SLC9A7: variants seen among roughly 807,000 people sequenced by gnomAD.
The protein encoded by SLC9A7 is sodium/hydrogen exchanger 7.
SLC9A7 carries 19 observed loss-of-function variants against 52.6 expected under a neutral mutation model. That is an observed-to-expected ratio of 0.36 (90% CI 0.25 to 0.53). The LOEUF is 0.53. Ranked by LOEUF, SLC9A7 falls within the 20% of genes least tolerant of loss-of-function variation. The pLI is 0.91. For synonymous variants in SLC9A7, 226 were observed against 252.1 expected (o/e 0.90, Z 0.98); for missense variants, 455 against 597.9 (o/e 0.76, Z 2.49).
intron 16 of SLC9A7, among the ~76,000 whole-genome samples, chrX:46,611,981 G>A (rs1206461395): frequency 1.8e-5 from 2 of 111,523 alleles, no homozygotes; most frequent in African/African-American, 3.3e-5. Flanking sequence ...GTTTAGGGCC[G>A]TTCTCTTTCA....
intron 1 of SLC9A7, among the ~76,000 whole-genome samples, chrX:46,748,360 AAAGAAAGGAAGGAAGGAAGG>A (rs1462359769): frequency 3.0e-4 from 15 of 49,346 alleles, no homozygotes; most frequent in Middle Eastern, 9.3e-3. Context: ...AAAAAAAAAG[AAAGAAAGGAAGGAAGGAAGG>A]AAGGAAGGAA....
intron 2 of SLC9A7, among the ~76,000 whole-genome samples, chrX:46,681,898 A>G (rs937408588): frequency 8.9e-6 from 1 of 112,451 alleles, no homozygotes; most frequent in Non-Finnish European, 1.9e-5. Context: ...TTTGTAGGAT[A>G]TAGCAAAAGA....
intron 1 of SLC9A7, among the ~76,000 whole-genome samples, chrX:46,691,990 T>C (rs1474733971): frequency 9.0e-6 from 1 of 111,566 alleles, no homozygotes; most frequent in African/African-American, 3.3e-5. Context: ...CACATAATGA[T>C]AGTAATAAAA....
At chrX:46,676,248 G>A (rs1227759696) in intron 3 of SLC9A7, among the ~76,000 whole-genome samples, 1 of 111,289 alleles carries the variant, frequency 9.0e-6, no homozygotes, top group Non-Finnish European at 1.9e-5. Context: ...CCTTCCGTGG[G>A]ATCTGGCATT....
At chrX:46,634,181 A>G (rs1207369584) in intron 13 of SLC9A7, among the ~76,000 whole-genome samples, 1 of 111,972 alleles carries the variant, frequency 8.9e-6, no homozygotes, top group Non-Finnish European at 1.9e-5. Flanking sequence ...GGCTAAGCTC[A>G]TAAGAACACA....
intron 1 of SLC9A7, among the ~76,000 whole-genome samples, chrX:46,702,978 G>A (rs778174600): frequency 1.2e-4 from 14 of 112,140 alleles, no homozygotes; most frequent in African/African-American, 4.2e-4. Flanking sequence ...CATTCTGACT[G>A]GTATGGAAGG....
chrX:46,752,978 TG>T (rs1188506260), intron 1 of SLC9A7, among the ~76,000 whole-genome samples: 1 of 112,340 alleles, frequency 8.9e-6, no homozygotes, highest in African/African-American at 3.2e-5. Flanking sequence ...TTCTAAGAAA[TG>T]CTTTTAGTAA....
intron 1 of SLC9A7, among the ~76,000 whole-genome samples, chrX:46,748,414 A>AGGAAGGAAGGAAGGAAGGAC (rs1266188596): frequency 5.2e-5 from 5 of 96,490 alleles, no homozygotes; most frequent in East Asian, 3.1e-4. Flanking sequence ...GAAGGAAGGA[A>AGGAAGGAAGGAAGGAAGGAC]GGACAGACAG....
At position 46,728,670 on chromosome X, in the gene SLC9A7, C is replaced by G. The variant is rs781657162; in HGVS notation, c.325+30035G>C. 5.3e-5 allele frequency among the ~76,000 whole-genome samples: 6 copies of G among 112,170 alleles called. No individual in the cohort carries two copies. The East Asian group carries it at 1.7e-3, about 31-fold the overall frequency. On this transcript the variant is annotated intron_variant, in intron 1 of 16. Transcript: ENST00000616978. ...TCCAACAGAAATGAAAACCCATGCT[C>G]ACACAAAGACATGTAAGCAAATGTT... is the stretch of plus-strand genomic sequence containing the variant.
intron 1 of SLC9A7, among the ~76,000 whole-genome samples, chrX:46,756,108 T>G (rs782511445): frequency 1.1e-4 from 12 of 111,293 alleles, no homozygotes; most frequent in Non-Finnish European, 1.9e-4. Flanking sequence ...AAACTTTTTC[T>G]CAAAATAAAG....
intron 15 of SLC9A7, among the ~76,000 whole-genome samples, chrX:46,615,666 A>ATATATATATATAACCAGTAAGC (rs1245964053): frequency 9.1e-6 from 1 of 109,551 alleles, no homozygotes; most frequent in African/African-American, 3.3e-5. Context: ...ATACATATAT[A>ATATATATATATAACCAGTAAGC]TATATATATA....
At chrX:46,644,186 G>A (rs1186928111) in intron 11 of SLC9A7, among the ~76,000 whole-genome samples, 2 of 112,277 alleles carry the variant, frequency 1.8e-5, no homozygotes, top group African/African-American at 6.5e-5. Flanking sequence ...GTGAAGACAG[G>A]CAGTGGCCAG....
intron 1 of SLC9A7, among the ~76,000 whole-genome samples, chrX:46,755,276 C>G (rs930575373): frequency 2.7e-5 from 3 of 109,590 alleles, no homozygotes; most frequent in Non-Finnish European, 5.7e-5. Flanking sequence ...ATTGACTACT[C>G]TCTGAGGATA....
chrX:46,623,333 C>G (rs2146704961), intron 14 of SLC9A7, among the ~76,000 whole-genome samples: 1 of 111,653 alleles, frequency 9.0e-6, no homozygotes, highest in South Asian at 3.8e-4. Context: ...AGAAAAAGCA[C>G]AGACTTGCTC....
intron 1 of SLC9A7, among the ~76,000 whole-genome samples, chrX:46,748,643 T>C (rs1922010344): frequency 9.2e-6 from 1 of 108,282 alleles, no homozygotes; most frequent in Non-Finnish European, 1.9e-5. Flanking sequence ...ATATGGGCTA[T>C]ACAACATGGA....
intron 1 of SLC9A7, among the ~76,000 whole-genome samples, chrX:46,729,029 A>C (rs1200159933): frequency 8.9e-6 from 1 of 112,446 alleles, no homozygotes; most frequent in African/African-American, 3.2e-5. Context: ...GAAATGTTCT[A>C]TTATCTTGAT....
At chrX:46,668,126 A>C (rs748589255) in intron 5 of SLC9A7, among the ~76,000 whole-genome samples, 4 of 112,639 alleles carry the variant, frequency 3.6e-5, no homozygotes, top group Admixed American at 9.4e-5. Flanking sequence ...GCTATGTTAC[A>C]TAAAAGAAGG....
intron 1 of SLC9A7, among the ~76,000 whole-genome samples, chrX:46,750,997 C>T (rs1484167974): frequency 8.9e-6 from 1 of 112,310 alleles, no homozygotes; most frequent in Non-Finnish European, 1.9e-5. Flanking sequence ...AGCTGCTTTC[C>T]AAACCTGTTC....
intron 7 of SLC9A7, among the ~76,000 whole-genome samples, chrX:46,661,388 GA>G (rs200128675): frequency 0.021 from 2,332 of 109,391 alleles, 21 homozygotes; most frequent in African/African-American, 0.033. Context: ...TAAAAAAAAA[GA>G]AAAAAAAATT....
Sources: allele counts gnomAD v4.1 joint callset (sites outside exome capture counted in the v4.1 genomes callset), GRCh38; gene constraint gnomAD v4.1.1; transcripts MANE v1.5; gene names NCBI Gene and HGNC (gene_info 2026-07-23, HGNC 2026-07-21).